MCTP1: variants seen among roughly 807,000 people sequenced by gnomAD.
MCTP1 encodes multiple C2 and transmembrane domain-containing protein 1.
In MCTP1, 69 loss-of-function variants were observed where a neutral mutation model predicts 120.6. The ratio of observed to expected loss-of-function variants is 0.57; its 90% confidence interval spans 0.47 to 0.70. The LOEUF is 0.70. Among genes scored for constraint, MCTP1 ranks in the 30% least tolerant of loss-of-function variants. MCTP1 has a pLI of 0.00. For synonymous variants in MCTP1, 529 were observed against 493.1 expected (o/e 1.07, Z -0.96); for missense variants, 1,203 against 1,248.8 (o/e 0.96, Z 0.55).
At chr5:95,147,518 G>A (rs1398484076) in intron 1 of MCTP1, among the ~76,000 whole-genome samples, 1 of 152,202 alleles carries the variant, frequency 6.6e-6, no homozygotes, top group Non-Finnish European at 1.5e-5. Context: ...TAAGAATAGT[G>A]ATACTTGCTC....
At chr5:94,736,431 C>T (rs7731201) in intron 19 of MCTP1, among the ~76,000 whole-genome samples, 260 of 152,126 alleles carry the variant, frequency 1.7e-3, no homozygotes, top group African/African-American at 5.8e-3. Flanking sequence ...TGCAGTGAGG[C>T]GAAATTGTGC....
intron 1 of MCTP1, among the ~76,000 whole-genome samples, chr5:95,165,807 C>G (rs562678531): frequency 6.6e-6 from 1 of 152,210 alleles, no homozygotes; most frequent in Non-Finnish European, 1.5e-5. Context: ...TTCTGCCCGG[C>G]TGTTTCCTAT....
chr5:95,016,813 G>A (rs1837203758), intron 2 of MCTP1, among the ~76,000 whole-genome samples: 1 of 152,050 alleles, frequency 6.6e-6, no homozygotes, highest in African/African-American at 2.4e-5. Context: ...ATTGGGATTT[G>A]GAATCCGGGA....
chr5:95,070,225 C>A (rs1341455185), intron 1 of MCTP1, among the ~76,000 whole-genome samples: 5 of 152,240 alleles, frequency 3.3e-5, no homozygotes, highest in Non-Finnish European at 7.3e-5. Flanking sequence ...CATCTGCAGT[C>A]AGGCTACCCT....
intron 19 of MCTP1, among the ~76,000 whole-genome samples, chr5:94,752,865 A>C (rs941867126): frequency 6.6e-6 from 1 of 152,234 alleles, no homozygotes; most frequent in Non-Finnish European, 1.5e-5. Flanking sequence ...CAGGGACTGT[A>C]CTCTGTAACT....
chr5:95,070,979 CCAT>C (rs1751999314), intron 1 of MCTP1, among the ~76,000 whole-genome samples: 1 of 151,898 alleles, frequency 6.6e-6, no homozygotes, highest in African/African-American at 2.4e-5. Flanking sequence ...GATTAGGGTA[CCAT>C]GGGATGAACC....
chr5:94,821,768 T>C (rs947702043), intron 17 of MCTP1, among the ~76,000 whole-genome samples: 1 of 152,128 alleles, frequency 6.6e-6, no homozygotes, highest in African/African-American at 2.4e-5. Context: ...GGAAACCAGG[T>C]ACATAAAAAA....
intron 1 of MCTP1, among the ~76,000 whole-genome samples, chr5:95,263,411 G>A (rs563625605): frequency 6.6e-6 from 1 of 152,198 alleles, no homozygotes; most frequent in South Asian, 2.1e-4. Context: ...CTAGTTTCCA[G>A]CCTCTTGTCA....
rs1191374245 is a variant in MCTP1 at position 94,735,711 on chromosome 5, A to G, written c.2611-20825T>C. 2.0e-5 allele frequency among the ~76,000 whole-genome samples: 3 copies of G among 152,234 alleles called. No individual in the cohort carries two copies. The East Asian group carries it at 5.8e-4, about 29-fold the overall frequency. On this transcript the variant is annotated intron_variant, in intron 19 of 22. Transcript: ENST00000515393. The stretch of plus-strand genomic sequence containing the variant: ...TTTTCCAGTAATAGGAAGGTCATGA[A>G]TAACTTCTAAACTACTGATAGACTA...
intron 12 of MCTP1, among the ~76,000 whole-genome samples, chr5:94,883,633 C>T (rs760246192): frequency 6.6e-6 from 1 of 152,132 alleles, no homozygotes. Flanking sequence ...ATTTTATCTT[C>T]TTCCAACATA....
intron 2 of MCTP1, among the ~76,000 whole-genome samples, chr5:94,975,087 G>A (rs958204158): frequency 6.6e-6 from 1 of 151,938 alleles, no homozygotes; most frequent in African/African-American, 2.4e-5. Context: ...AGTGATTTTA[G>A]AATGGATCAG....
At chr5:94,928,399 C>G (rs1330052327) in intron 6 of MCTP1, among the ~76,000 whole-genome samples, 1 of 152,072 alleles carries the variant, frequency 6.6e-6, no homozygotes, top group Non-Finnish European at 1.5e-5. Flanking sequence ...ATAATTTAAC[C>G]TTAGAATAAA....
At chr5:94,864,671 A>G (rs1346614795) in intron 17 of MCTP1, among the ~76,000 whole-genome samples, 2 of 151,944 alleles carry the variant, frequency 1.3e-5, no homozygotes, top group Non-Finnish European at 2.9e-5. Context: ...GAAAAGGCTA[A>G]AACAATTCCA....
intron 10 of MCTP1, among the ~76,000 whole-genome samples, chr5:94,907,591 C>T (rs893847492): frequency 2.6e-5 from 4 of 152,054 alleles, no homozygotes; most frequent in African/African-American, 9.7e-5. Flanking sequence ...TATGAAAACC[C>T]TTTAGAAACA....
rs62365700 is a variant in MCTP1, at chr5:94,716,358, C to T, written c.2611-1472G>A. Among the ~76,000 whole-genome samples the T allele has an allele frequency of 2.1e-4, 31 of 150,606 alleles. No homozygotes were observed. In the South Asian group the frequency reaches 5.9e-3, roughly 29 times the overall value. ...GTCACCATTCACTTGTCATGACAGA[C>T]GTTGGTGCATCAATTTATCTTTCAC... On this transcript the variant is annotated intron_variant, in intron 19 of 22. Coordinates refer to ENST00000515393, the MANE Select transcript of MCTP1 (RefSeq NM_024717.7).
chr5:95,076,456 A>G (rs1159929562), intron 1 of MCTP1, among the ~76,000 whole-genome samples: 1 of 151,704 alleles, frequency 6.6e-6, no homozygotes, highest in Non-Finnish European at 1.5e-5. Flanking sequence ...AAAAAGGAAA[A>G]AAAAAAAAAA....
chr5:94,872,813 C>A (rs527716643), intron 13 of MCTP1, among the ~76,000 whole-genome samples: 1 of 152,044 alleles, frequency 6.6e-6, no homozygotes, highest in South Asian at 2.1e-4. Flanking sequence ...GGTGTCAATG[C>A]AATTGGAAAG....
intron 1 of MCTP1, among the ~76,000 whole-genome samples, chr5:95,158,299 A>AT (rs1048069418): frequency 6.6e-6 from 1 of 152,172 alleles, no homozygotes; most frequent in Non-Finnish European, 1.5e-5. Flanking sequence ...GTCACAAAAC[A>AT]TTTTTTGATG....
intron 1 of MCTP1, among the ~76,000 whole-genome samples, chr5:95,035,621 T>C (rs547776532): frequency 2.0e-4 from 30 of 152,068 alleles, no homozygotes; most frequent in Non-Finnish European, 4.0e-4. Flanking sequence ...TTGGGTACTA[T>C]GTTCACTATT....
Sources: allele counts gnomAD v4.1 joint callset (sites outside exome capture counted in the v4.1 genomes callset), GRCh38; gene constraint gnomAD v4.1.1; transcripts MANE v1.5; gene names NCBI Gene and HGNC (gene_info 2026-07-23, HGNC 2026-07-21).